The following ARL15 variants were observed in gnomAD, a reference collection of about 807,000 sequenced individuals.
The protein encoded by ARL15 is ARF like GTPase 15, also known as ADP-ribosylation factor-like protein 15.
A neutral mutation model predicts 25.2 loss-of-function variants in ARL15; 19 were observed. The ratio of observed to expected loss-of-function variants is 0.75; its 90% CI spans 0.53 to 1.10. The LOEUF is 1.10. Ranked by LOEUF, ARL15 falls within the 50% of genes least tolerant of loss-of-function variation. ARL15 has a pLI of 0.00. For missense variants in ARL15, 220 were observed against 246.0 expected, an observed-to-expected ratio of 0.89 and a Z score of 0.71; for synonymous variants, 94 against 86.8, an observed-to-expected ratio of 1.08 and a Z score of -0.46.
In ARL15 at chr5:54,217,737, A is replaced by C. The variant is rs1211127823; in HGVS notation, c.49-45809T>G. On this transcript the variant is annotated intron_variant, in intron 1 of 4. Coordinates refer to ENST00000504924, the MANE Select transcript of ARL15 (RefSeq NM_019087.3). ...ACCCTCGGTAGAATTAGAGGAAAAA[A>C]CACTGATGCAAAGTTTAAGTGAGAA... Among the ~76,000 whole-genome samples the C allele has an allele frequency of 2.6e-5, 4 of 152,278 alleles. No homozygotes were observed. The East Asian group carries it at 7.7e-4, about 29-fold the overall frequency.
At chr5:54,105,930 A>T (rs1297142812) in intron 4 of ARL15, among the ~76,000 whole-genome samples, 2 of 152,196 alleles carry the variant, frequency 1.3e-5, no homozygotes, top group African/African-American at 4.8e-5. Flanking sequence ...CTATGTGATA[A>T]ATCTAAACAG....
At chr5:54,253,937 A>T (rs961126562) in intron 1 of ARL15, among the ~76,000 whole-genome samples, 18 of 152,210 alleles carry the variant, frequency 1.2e-4, no homozygotes, top group Admixed American at 2.0e-4. Context: ...AACCAGTGAG[A>T]TTATTTTCCT....
chr5:53,977,354 C>CA (rs397884651), intron 4 of ARL15, among the ~76,000 whole-genome samples: 27,742 of 89,904 alleles, frequency 0.31, 3,631 homozygotes, highest in East Asian at 0.5. Flanking sequence ...GACTCCGCCT[C>CA]AAAAAAAAAA....
At chr5:53,935,483 G>A (rs1314463669) in intron 4 of ARL15, among the ~76,000 whole-genome samples, 2 of 152,176 alleles carry the variant, frequency 1.3e-5, no homozygotes, top group African/African-American at 2.4e-5. Flanking sequence ...TACAGTTGGT[G>A]GACTTTTACT....
intron 1 of ARL15, among the ~76,000 whole-genome samples, chr5:54,190,539 CA>C (rs1464633637): frequency 1.3e-5 from 2 of 152,152 alleles, no homozygotes; most frequent in Non-Finnish European, 2.9e-5. Flanking sequence ...AGGATCAAAG[CA>C]CTGGCATTTT....
At chr5:53,970,145 T>C (rs1030775029) in intron 4 of ARL15, among the ~76,000 whole-genome samples, 7 of 152,144 alleles carry the variant, frequency 4.6e-5, no homozygotes, top group Admixed American at 1.3e-4. Flanking sequence ...GCAAAAAAAT[T>C]TGAAATTAAT....
intron 4 of ARL15, among the ~76,000 whole-genome samples, chr5:53,963,772 C>T (rs1231303457): frequency 1.3e-5 from 2 of 150,576 alleles, no homozygotes; most frequent in African/African-American, 2.4e-5. Flanking sequence ...TGTGCCATTG[C>T]ATTCCAGCCT....
chr5:54,015,124 C>T (rs1328715431), intron 4 of ARL15, among the ~76,000 whole-genome samples: 1 of 151,818 alleles, frequency 6.6e-6, no homozygotes, highest in Non-Finnish European at 1.5e-5. Flanking sequence ...AAAACCCCGT[C>T]TCTACTAAAA....
intron 4 of ARL15, among the ~76,000 whole-genome samples, chr5:54,026,637 T>C (rs1019264197): frequency 2.6e-5 from 4 of 152,210 alleles, no homozygotes; most frequent in African/African-American, 9.6e-5. Flanking sequence ...CTTGAGATTG[T>C]AAGGAGTAAA....
At chr5:53,993,455 G>A (rs1354283749) in intron 4 of ARL15, among the ~76,000 whole-genome samples, 2 of 151,978 alleles carry the variant, frequency 1.3e-5, no homozygotes, top group Non-Finnish European at 2.9e-5. Flanking sequence ...AAATAAAGAA[G>A]GAATGATGAA....
At chr5:54,011,880 G>T (rs575889492) in intron 4 of ARL15, among the ~76,000 whole-genome samples, 1 of 152,008 alleles carries the variant, frequency 6.6e-6, no homozygotes, top group Non-Finnish European at 1.5e-5. Context: ...GTGGTGGCAC[G>T]CACCTGTAGT....
At position 54,221,743 on chromosome 5, in the gene ARL15, ATC is replaced by A. The variant is rs1419651391; in HGVS notation, c.49-49817_49-49816del. Among the ~76,000 whole-genome samples the A allele has an allele frequency of 2.6e-5, 4 of 152,088 alleles. No individual in the cohort carries two copies. In the South Asian group the frequency reaches 8.3e-4, roughly 32 times the overall value. Reference sequence around the variant, plus strand: ...GCCACATTTAATAAGGATAAATAAAATCTCTGTCAAGCTTACAACAGGACCAA... The same window carrying A: ...GCCACATTTAATAAGGATAAATAAAATCTGTCAAGCTTACAACAGGACCAA... On this transcript the variant is annotated intron_variant, in intron 1 of 4. Transcript: ENST00000504924.
intron 2 of ARL15, among the ~76,000 whole-genome samples, chr5:54,155,680 T>TCA (rs58416810): frequency 0.21 from 31,675 of 149,890 alleles, 3,988 homozygotes; most frequent in Admixed American, 0.34. Flanking sequence ...ATATACCCAT[T>TCA]CACACACACA....
At chr5:54,122,740 C>A (rs1753122855) in intron 3 of ARL15, among the ~76,000 whole-genome samples, 1 of 152,128 alleles carries the variant, frequency 6.6e-6, no homozygotes, top group Non-Finnish European at 1.5e-5. Flanking sequence ...ACAAGAAAAG[C>A]AAACACAAAT....
At position 53,885,769 on chromosome 5, in the gene ARL15, T is replaced by G. The variant is rs371198885; in HGVS notation, c.*792A>C. Reference sequence around the variant, plus strand: ...TTAGAAAAAGATACCTATGTTACATTGCAGCTTCACTTTATGCAGGCTCAT... The same window carrying G: ...TTAGAAAAAGATACCTATGTTACATGGCAGCTTCACTTTATGCAGGCTCAT... On this transcript the variant is annotated 3_prime_UTR_variant, in exon 5 of 5. Transcript: ENST00000504924. 5.3e-5 allele frequency: 8 copies of G among 152,322 alleles called. No homozygotes were observed. Among genetic ancestry groups the G allele is most frequent in the African/African-American group, 1.9e-4 (8 of 41,580 alleles). The allele number at this position is 152,322 out of a possible 1,614,324, so 9.4% of individuals were successfully genotyped here. A position where few individuals can be genotyped will look rare whatever the true frequency, so the allele number is the denominator to read the frequency against.
intron 1 of ARL15, among the ~76,000 whole-genome samples, chr5:54,301,357 C>G (rs1042781787): frequency 6.6e-6 from 1 of 152,066 alleles, no homozygotes; most frequent in Admixed American, 6.5e-5. Context: ...ATGGTTTACA[C>G]CCACATGCAT....
chr5:54,260,329 A>T (rs1757469947), intron 1 of ARL15, among the ~76,000 whole-genome samples: 1 of 152,216 alleles, frequency 6.6e-6, no homozygotes, highest in Admixed American at 6.5e-5. Flanking sequence ...TTCAACCATT[A>T]TCATAACAAT....
At chr5:54,267,893 C>G (rs1188950740) in intron 1 of ARL15, among the ~76,000 whole-genome samples, 1 of 151,864 alleles carries the variant, frequency 6.6e-6, no homozygotes, top group East Asian at 1.9e-4. Context: ...CTCTGGCTGC[C>G]CTTAACATTT....
chr5:54,276,579 T>C (rs1166758942), intron 1 of ARL15, among the ~76,000 whole-genome samples: 6 of 152,204 alleles, frequency 3.9e-5, no homozygotes, highest in Non-Finnish European at 7.3e-5. Flanking sequence ...ATGTCTCCCA[T>C]AGAGTCAATT....
Sources: allele counts gnomAD v4.1 joint callset (sites outside exome capture counted in the v4.1 genomes callset), GRCh38; gene constraint gnomAD v4.1.1; transcripts MANE v1.5; gene names NCBI Gene and HGNC (gene_info 2026-07-23, HGNC 2026-07-21).